XXYLT1: variants seen among roughly 807,000 people sequenced by gnomAD.
XXYLT1 encodes the protein UDP-xylose:alpha-xyloside alpha-1,3-xylosyltransferase.
XXYLT1 carries 20 observed loss-of-function variants against 28.9 expected under a neutral mutation model. The observed-to-expected ratio is 0.69, with a 90% CI of 0.49 to 1.00. The LOEUF (loss-of-function observed/expected upper bound fraction) is 1.00, where lower values mean the gene tolerates loss of function less well. Among genes scored for constraint, XXYLT1 ranks in the 50% least tolerant of loss-of-function variants. XXYLT1 has a pLI of 0.00. For missense variants in XXYLT1, 542 were observed against 560.1 expected, an observed-to-expected ratio of 0.97 and a Z score of 0.33; for synonymous variants, 257 against 253.8, an observed-to-expected ratio of 1.01 and a Z score of -0.12.
rs541725282 is a variant in XXYLT1 at position 195,248,462 on chromosome 3, C to T, written c.505-21606G>A. On this transcript the variant is annotated intron_variant, in intron 1 of 3. Transcript: ENST00000310380. ...TTCCGTAAGGAGGAGTTTCCCTGCA[C>T]AGCTCCCGCTTCCCTGAACAACAAC... Among the ~76,000 whole-genome samples the T allele has an allele frequency of 6.6e-5, 10 of 152,284 alleles. No individual in the cohort carries two copies. In the East Asian group the frequency reaches 1.9e-3, roughly 29 times the overall value.
rs78163925 is a variant in XXYLT1, at chr3:195,214,627, A to G, written c.652+12082T>C. ...GCCCTTGTGTCTGCTTTCTCCTGGT[A>G]CTGAGGCTGATGGAGCAGGGGCAGA... On this transcript the variant is annotated intron_variant, in intron 2 of 3. Coordinates refer to ENST00000310380, the MANE Select transcript of XXYLT1 (RefSeq NM_152531.5). Among the ~76,000 whole-genome samples the G allele has an allele frequency of 9.6e-3, 1,463 of 152,252 alleles. 20 individuals are homozygous for G. The highest frequency in any genetic ancestry group is 0.027 in the African/African-American group (1,130 of 41,538).
At chr3:195,172,784 A>C (rs574828106) in intron 2 of XXYLT1, among the ~76,000 whole-genome samples, 80 of 152,338 alleles carry the variant, frequency 5.3e-4, no homozygotes, top group African/African-American at 1.9e-3. Flanking sequence ...TTTGAGCTGA[A>C]ACTTGAACTG....
intron 1 of XXYLT1, chr3:195,259,723 G>A: frequency 1.0e-6 from 1 of 971,622 alleles, no homozygotes; most frequent in Non-Finnish European, 1.2e-6. Flanking sequence ...GGCCCCCGGA[G>A]CCGGCCTCTG....
Position 195,180,406 on chromosome 3 carries a change from C to A in XXYLT1, c.653-23825G>T. ...CAAGACACACTTCCTTCGGCTGCAG[C>A]CTCGCCGATTCCCGAGCTGTTTCCT... On this transcript the variant is annotated intron_variant, in intron 2 of 3. Transcript: ENST00000310380. The surrounding 1 kb of genome is among the most constrained non-coding windows in gnomAD (Gnocchi z 5.8). The A allele has an allele frequency of 1.0e-6, 1 of 985,674 alleles. No individual in the cohort carries two copies. The highest frequency in any genetic ancestry group is 1.2e-6 in the Non-Finnish European group (1 of 830,116). 61.1% of individuals were successfully genotyped at this position (985,674 alleles called of 1,614,324 possible).
At chr3:195,252,265 G>A (rs1316745796) in intron 1 of XXYLT1, among the ~76,000 whole-genome samples, 2 of 152,150 alleles carry the variant, frequency 1.3e-5, no homozygotes, top group Admixed American at 1.3e-4. Context: ...AAATACCTCT[G>A]GAGGGAGTAG....
chr3:195,194,930 A>C (rs1722563122), intron 2 of XXYLT1, among the ~76,000 whole-genome samples: 2 of 152,164 alleles, frequency 1.3e-5, no homozygotes, highest in African/African-American at 4.8e-5. Context: ...AACTTCAAAC[A>C]AGCAGAGGAA....
intron 3 of XXYLT1, among the ~76,000 whole-genome samples, chr3:195,114,644 A>G (rs1717949743): frequency 6.6e-6 from 1 of 152,226 alleles, no homozygotes; most frequent in African/African-American, 2.4e-5. Flanking sequence ...AATTACGAAG[A>G]CCAGGACCAG....
intron 1 of XXYLT1, chr3:195,270,256 C>T: frequency 1.8e-6 from 1 of 570,702 alleles, no homozygotes; most frequent in South Asian, 2.1e-5. Context: ...CTGAACCCTG[C>T]AACGTTAGCA....
chr3:195,106,367 G>A (rs974848683), intron 3 of XXYLT1, among the ~76,000 whole-genome samples: 2 of 152,276 alleles, frequency 1.3e-5, no homozygotes, highest in Middle Eastern at 3.4e-3. Context: ...CTCTTGCTCC[G>A]CACTCCCACC....
intron 3 of XXYLT1, among the ~76,000 whole-genome samples, chr3:195,071,169 G>A (rs1226474329): frequency 6.6e-6 from 1 of 152,210 alleles, no homozygotes; most frequent in African/African-American, 2.4e-5. Flanking sequence ...CCTGGAGGAA[G>A]GAGGACCATC....
intron 3 of XXYLT1, among the ~76,000 whole-genome samples, chr3:195,108,621 C>G (rs925042266): frequency 1.3e-5 from 2 of 152,214 alleles, no homozygotes; most frequent in Admixed American, 1.3e-4. Flanking sequence ...CCACCACACA[C>G]CTGGGCTGTA....
At chr3:195,070,377 A>T (rs1309128498) in intron 3 of XXYLT1, among the ~76,000 whole-genome samples, 1 of 151,992 alleles carries the variant, frequency 6.6e-6, no homozygotes, top group East Asian at 1.9e-4. Context: ...CAGGCGCCAT[A>T]CTAGACCGGC....
At position 195,271,125 on chromosome 3, in the gene XXYLT1, G is replaced by A; in HGVS notation, c.-67C>T. 7.9e-7 allele frequency: 1 copy of A among 1,273,238 alleles called. No homozygotes were observed. Among genetic ancestry groups the A allele is most frequent in the East Asian group, 3.2e-5 (1 of 30,924 alleles). 78.9% of individuals were successfully genotyped at this position (1,273,238 alleles called of 1,614,324 possible). A position where few individuals can be genotyped will look rare whatever the true frequency, so the allele number is the denominator to read the frequency against. ...AGAGCCCTCGGGTACCCGGACGCCG[G>A]CGGCCACTTAGCCCCGGCGCCAGGC... On this transcript the variant is annotated 5_prime_UTR_variant, in exon 1 of 4. Coordinates refer to ENST00000310380, the MANE Select transcript of XXYLT1 (RefSeq NM_152531.5).
chr3:195,194,501 A>C (rs1246952795), intron 2 of XXYLT1, among the ~76,000 whole-genome samples: 1 of 152,186 alleles, frequency 6.6e-6, no homozygotes, highest in Non-Finnish European at 1.5e-5. Flanking sequence ...TTGAGAAAAC[A>C]GGCAGTTTCC....
chr3:195,138,616 G>A (rs927503560), intron 3 of XXYLT1, among the ~76,000 whole-genome samples: 2 of 152,166 alleles, frequency 1.3e-5, no homozygotes, highest in East Asian at 1.9e-4. Context: ...CCAGCACTTT[G>A]AGAGGCCGAG....
At chr3:195,167,952 G>A (rs12488672) in intron 2 of XXYLT1, among the ~76,000 whole-genome samples, 4 of 152,186 alleles carry the variant, frequency 2.6e-5, no homozygotes, top group Admixed American at 2.6e-4. Context: ...ACTCATACTC[G>A]ATGAAGAAAT....
chr3:195,212,982 G>A (rs1304675010), intron 2 of XXYLT1, among the ~76,000 whole-genome samples: 1 of 152,152 alleles, frequency 6.6e-6, no homozygotes, highest in African/African-American at 2.4e-5. Context: ...CTCCATCCCC[G>A]GGGCCCCCAC....
chr3:195,156,332 T>C (rs1193588723), intron 3 of XXYLT1, 117 bp downstream of exon 3: 17 of 1,498,184 alleles, frequency 1.1e-5, no homozygotes, highest in South Asian at 3.9e-5. Context: ...GTTCCCAAGA[T>C]ACTAAGTGCA....
At position 195,150,892 on chromosome 3, in the gene XXYLT1, T is replaced by TCCCTCTCC. The variant is rs1401426291; in HGVS notation, c.785+5556_785+5557insGGAGAGGG. Among the ~76,000 whole-genome samples, 27 of 127,532 alleles carry TCCCTCTCC rather than the reference T, an allele frequency of 2.1e-4. No homozygotes were observed. The highest frequency in any genetic ancestry group is 8.7e-4 in the African/African-American group (27 of 31,154). 83.7% of individuals were successfully genotyped at this position (127,532 alleles called of 152,430 possible). A position where few individuals can be genotyped will look rare whatever the true frequency, so the allele number is the denominator to read the frequency against. ...CACTCTCTCCCTCTCCCTCTCCCTCTCTCTCTCTCCATCACTCCAGGGTCA... is the reference window on the plus strand; with the variant it reads ...CACTCTCTCCCTCTCCCTCTCCCTCTCCCTCTCCCTCTCTCTCCATCACTCCAGGGTCA... On this transcript the variant is annotated intron_variant, in intron 3 of 3. Coordinates refer to ENST00000310380, the MANE Select transcript of XXYLT1 (RefSeq NM_152531.5). This position sits in a 1 kb window ranked among gnomAD's most constrained non-coding sequence, Gnocchi z 4.7.
Sources: allele counts gnomAD v4.1 joint callset (sites outside exome capture counted in the v4.1 genomes callset), GRCh38; gene constraint gnomAD v4.1.1; non-coding constraint Gnocchi (gnomAD v3.1); transcripts MANE v1.5; gene names NCBI Gene and HGNC (gene_info 2026-07-23, HGNC 2026-07-21).